Variants in GULP1 observed in about 807,000 individuals in gnomAD.
GULP1 encodes the protein GULP PTB domain containing engulfment adaptor 1.
In GULP1, 19 loss-of-function variants were observed where a neutral mutation model predicts 40.9. That is an observed-to-expected ratio of 0.46 (90% confidence interval 0.32 to 0.68). GULP1 has a LOEUF of 0.68. Among genes scored for constraint, GULP1 ranks in the 30% least tolerant of loss-of-function variants. The probability of loss-of-function intolerance (pLI) is 0.03; values close to 1 mark genes in which losing one functional copy is unlikely to be tolerated. For synonymous variants in GULP1, 119 were observed against 117.6 expected (o/e 1.01, Z -0.08); for missense variants, 312 against 362.2 (o/e 0.86, Z 1.12).
chr2:188,331,780 T>G (rs1210906142), intron 1 of GULP1, among the ~76,000 whole-genome samples: 1 of 152,206 alleles, frequency 6.6e-6, no homozygotes, highest in East Asian at 1.9e-4. Flanking sequence ...AAATTATACT[T>G]TTACTTATTT....
chr2:188,541,759 A>G (rs1690553902), intron 7 of GULP1: 1 of 203,332 alleles, frequency 4.9e-6, no homozygotes, highest in Non-Finnish European at 9.7e-6. Flanking sequence ...TATGATCTAT[A>G]TGGTTCCTTA....
At chr2:188,423,712 A>G (rs1030502029) in intron 2 of GULP1, among the ~76,000 whole-genome samples, 4 of 151,874 alleles carry the variant, frequency 2.6e-5, no homozygotes, top group African/African-American at 9.7e-5. Context: ...ATGTTAAAAT[A>G]GTTTTCAGAT....
rs78943932 is a variant in GULP1, at chr2:188,488,664, G to A, written c.90+5172G>A. On this transcript the variant is annotated intron_variant, in intron 4 of 11. Coordinates refer to ENST00000409830, the MANE Select transcript of GULP1 (RefSeq NM_016315.4). ...AGTGACCACTCTGAAAGGTTCTATG[G>A]GGAAGGAATGCTTTTTCCTGAAGCA... Among the ~76,000 whole-genome samples the A allele has an allele frequency of 1.6e-3, 247 of 152,062 alleles. No homozygotes were observed. The East Asian group carries it at 0.02, about 12-fold the overall frequency.
intron 4 of GULP1, among the ~76,000 whole-genome samples, chr2:188,509,239 T>C (rs2064250666): frequency 6.6e-6 from 1 of 152,070 alleles, no homozygotes; most frequent in Non-Finnish European, 1.5e-5. Context: ...ACATTAAGCT[T>C]GTCTCAATAT....
At chr2:188,543,549 C>T (rs1452428188) in intron 7 of GULP1, among the ~76,000 whole-genome samples, 1 of 152,096 alleles carries the variant, frequency 6.6e-6, no homozygotes, top group Non-Finnish European at 1.5e-5. Flanking sequence ...TATATGTATG[C>T]AGAATTTTTG....
At chr2:188,549,012 A>G (rs924285966) in intron 7 of GULP1, among the ~76,000 whole-genome samples, 1 of 151,918 alleles carries the variant, frequency 6.6e-6, no homozygotes, top group Non-Finnish European at 1.5e-5. Context: ...TTTAGAAAAA[A>G]AACACATGGG....
chr2:188,309,424 C>T (rs763607575), intron 1 of GULP1, among the ~76,000 whole-genome samples: 4 of 152,174 alleles, frequency 2.6e-5, no homozygotes, highest in Non-Finnish European at 5.9e-5. Flanking sequence ...CGAGATCACA[C>T]CACTGCACTT....
intron 4 of GULP1, among the ~76,000 whole-genome samples, chr2:188,497,813 A>G (rs2063048651): frequency 6.6e-6 from 1 of 151,946 alleles, no homozygotes; most frequent in Non-Finnish European, 1.5e-5. Context: ...ATGTTATGGT[A>G]TACAAAAGAA....
intron 1 of GULP1, among the ~76,000 whole-genome samples, chr2:188,356,473 A>G (rs989121770): frequency 1.3e-5 from 2 of 152,106 alleles, no homozygotes; most frequent in Non-Finnish European, 2.9e-5. Flanking sequence ...CATAAATTTA[A>G]CCAAGGAGGT....
At chr2:188,361,116 A>C (rs568958586) in intron 1 of GULP1, among the ~76,000 whole-genome samples, 1 of 152,274 alleles carries the variant, frequency 6.6e-6, no homozygotes, top group Non-Finnish European at 1.5e-5. Flanking sequence ...TACGTGCAGC[A>C]TGTAAAATAC....
intron 2 of GULP1, among the ~76,000 whole-genome samples, chr2:188,414,614 A>G (rs1001963757): frequency 6.6e-6 from 1 of 152,228 alleles, no homozygotes; most frequent in African/African-American, 2.4e-5. Context: ...TGGAAAGGCT[A>G]ACGTGTCAGT....
chr2:188,549,367 A>T (rs1195331381), intron 7 of GULP1, among the ~76,000 whole-genome samples: 1 of 151,866 alleles, frequency 6.6e-6, no homozygotes, highest in African/African-American at 2.4e-5. Context: ...ATTGAAGAGG[A>T]TATACAGATG....
At chr2:188,413,663 T>C (rs1037468072) in intron 2 of GULP1, among the ~76,000 whole-genome samples, 5 of 152,202 alleles carry the variant, frequency 3.3e-5, no homozygotes, top group Admixed American at 2.6e-4. Context: ...GTAAGCTCCA[T>C]TGGGGTATAG....
intron 5 of GULP1, among the ~76,000 whole-genome samples, chr2:188,526,767 G>A (rs1447603603): frequency 6.6e-6 from 1 of 152,092 alleles, no homozygotes; most frequent in African/African-American, 2.4e-5. Flanking sequence ...TTTTCTAAAT[G>A]CAGAAAATAT....
At chr2:188,371,622 G>T (rs908277286) in intron 1 of GULP1, among the ~76,000 whole-genome samples, 3 of 151,950 alleles carry the variant, frequency 2.0e-5, no homozygotes, top group African/African-American at 7.3e-5. Flanking sequence ...TAAATTAAAA[G>T]AAACTTACAA....
intron 2 of GULP1, among the ~76,000 whole-genome samples, chr2:188,395,633 G>A (rs899193991): frequency 6.6e-6 from 1 of 152,158 alleles, no homozygotes; most frequent in African/African-American, 2.4e-5. Context: ...CTGCCATCCA[G>A]ATTTTTTTGT....
intron 7 of GULP1, among the ~76,000 whole-genome samples, chr2:188,544,407 G>T (rs987983768): frequency 1.3e-5 from 2 of 151,910 alleles, no homozygotes; most frequent in Non-Finnish European, 2.9e-5. Flanking sequence ...AGAAACAGAA[G>T]ATATAGCATT....
intron 2 of GULP1, among the ~76,000 whole-genome samples, chr2:188,400,659 T>C (rs2052106651): frequency 6.6e-6 from 1 of 152,166 alleles, no homozygotes; most frequent in Non-Finnish European, 1.5e-5. Flanking sequence ...AAGGAGTAAC[T>C]AAGCAATGCT....
intron 1 of GULP1, among the ~76,000 whole-genome samples, chr2:188,347,741 A>G (rs2043885357): frequency 6.6e-6 from 1 of 151,926 alleles, no homozygotes; most frequent in Non-Finnish European, 1.5e-5. Flanking sequence ...ATACTCTTGA[A>G]TAATTGGGAC....
Sources: gnomAD v4.1 joint callset for allele counts (sites outside exome capture counted in the v4.1 genomes callset) on GRCh38, gnomAD v4.1.1 for gene constraint, MANE v1.5 for transcripts, NCBI Gene and HGNC (gene_info 2026-07-23, HGNC 2026-07-21) for gene names.